The following EGFLAM variants were observed in gnomAD, a reference collection of about 807,000 sequenced individuals.
EGFLAM encodes the protein pikachurin.
Under a neutral mutation model 113.1 loss-of-function variants are expected in EGFLAM, and 79 were observed. The observed-to-expected ratio is 0.70, with a 90% CI of 0.58 to 0.84. The LOEUF is 0.84. EGFLAM is among the 40% of genes least tolerant of loss of function. The pLI is 0.00. For missense variants in EGFLAM, 1,265 were observed against 1,291.6 expected (o/e 0.98, Z 0.32); for synonymous variants, 504 against 487.6 (o/e 1.03, Z -0.44).
rs181551222 is a variant in EGFLAM at position 38,394,361 on chromosome 5, G to A, written c.713-11765G>A. Among the ~76,000 whole-genome samples, 13 of 151,808 alleles carry A rather than the reference G, an allele frequency of 8.6e-5. 1 individual carries two copies. The South Asian group carries it at 2.7e-3, about 32-fold the overall frequency. ...CTTCAGTCCAAATCAATTCCTTCTT[G>A]TGTTACGTGTTACTTTTTGGTATTT... On this transcript the variant is annotated intron_variant, in intron 6 of 21. Transcript: ENST00000322350.
chr5:38,368,140 A>G (rs1485311391), intron 5 of EGFLAM, among the ~76,000 whole-genome samples: 1 of 152,226 alleles, frequency 6.6e-6, no homozygotes. Context: ...TTAGCAAACG[A>G]TAGCAGAGAG....
At chr5:38,451,227 T>C in intron 18 of EGFLAM, 88 bp from the exon 19 acceptor site, 1 of 1,543,046 alleles carries the variant, frequency 6.5e-7, no homozygotes, top group Non-Finnish European at 8.8e-7. Flanking sequence ...TTACATCTGG[T>C]TCCTCAGGGC....
At chr5:38,434,502 G>A (rs1323374434) in intron 15 of EGFLAM, among the ~76,000 whole-genome samples, 1 of 152,202 alleles carries the variant, frequency 6.6e-6, no homozygotes, top group Non-Finnish European at 1.5e-5. Context: ...GATCAAAGCT[G>A]CTACTATTTG....
At chr5:38,417,347 C>CAAAAAAAAAACAAA (rs1741678083) in intron 11 of EGFLAM, among the ~76,000 whole-genome samples, 4 of 78,474 alleles carry the variant, frequency 5.1e-5, no homozygotes, top group Admixed American at 1.9e-4. Flanking sequence ...GACTCTGTCT[C>CAAAAAAAAAACAAA]AAAAAAAAAA....
intron 1 of EGFLAM, among the ~76,000 whole-genome samples, chr5:38,292,455 T>C (rs1397910451): frequency 1.3e-5 from 2 of 152,210 alleles, no homozygotes. Flanking sequence ...CTCTTGCAAG[T>C]ACAGGTAACC....
intron 1 of EGFLAM, 46 bp downstream of exon 1, chr5:38,258,897 G>T: frequency 6.3e-7 from 1 of 1,575,834 alleles, no homozygotes; most frequent in Non-Finnish European, 8.6e-7. Context: ...GAGCGCCCCT[G>T]CTGGGCTCCG....
chr5:38,329,630 TC>T (rs776534332), intron 1 of EGFLAM, among the ~76,000 whole-genome samples: 5 of 152,046 alleles, frequency 3.3e-5, no homozygotes, highest in Non-Finnish European at 5.9e-5. Flanking sequence ...AGCCATGGAG[TC>T]CCAGTAGTTG....
chr5:38,279,032 A>C (rs1273797100), intron 1 of EGFLAM, among the ~76,000 whole-genome samples: 1 of 152,200 alleles, frequency 6.6e-6, no homozygotes, highest in Non-Finnish European at 1.5e-5. Context: ...AAAACAAATA[A>C]CACAATTAAA....
chr5:38,421,012 G>C (rs963887448), intron 12 of EGFLAM, among the ~76,000 whole-genome samples: 1 of 152,132 alleles, frequency 6.6e-6, no homozygotes, highest in Non-Finnish European at 1.5e-5. Context: ...TCCTTCCTCA[G>C]CTTCCATGTT....
intron 1 of EGFLAM, among the ~76,000 whole-genome samples, chr5:38,305,968 A>G (rs1449129950): frequency 2.0e-5 from 3 of 152,196 alleles, no homozygotes; most frequent in African/African-American, 7.2e-5. Flanking sequence ...TGGGCTCCCT[A>G]AATTCAGTGG....
intron 18 of EGFLAM, 33 bp downstream of exon 18, chr5:38,448,412 T>C (rs757418959): frequency 4.8e-5 from 77 of 1,603,102 alleles, no homozygotes; most frequent in African/African-American, 1.3e-5. Context: ...TTCCTCAGCT[T>C]TCTGGGGGTA....
intron 1 of EGFLAM, among the ~76,000 whole-genome samples, chr5:38,311,555 A>G (rs1038354086): frequency 6.6e-6 from 1 of 152,172 alleles, no homozygotes; most frequent in Non-Finnish European, 1.5e-5. Flanking sequence ...ATAGTATCCC[A>G]TTGTGTGTGT....
intron 12 of EGFLAM, among the ~76,000 whole-genome samples, chr5:38,421,367 C>G (rs2112173258): frequency 6.6e-6 from 1 of 152,344 alleles, no homozygotes; most frequent in East Asian, 1.9e-4. Context: ...TATATTTCCA[C>G]CACTCATTTA....
chr5:38,323,388 T>C (rs534064038), intron 1 of EGFLAM, among the ~76,000 whole-genome samples: 73 of 152,314 alleles, frequency 4.8e-4, no homozygotes, highest in African/African-American at 1.7e-3. Flanking sequence ...AGCTCAAGCA[T>C]ACTCTCCCTC....
At chr5:38,297,561 T>C (rs760427433) in intron 1 of EGFLAM, among the ~76,000 whole-genome samples, 4 of 152,204 alleles carry the variant, frequency 2.6e-5, no homozygotes, top group Non-Finnish European at 5.9e-5. Flanking sequence ...GATTTTGGAA[T>C]TTTTCTAAAG....
At chr5:38,372,525 T>C (rs569491905) in intron 6 of EGFLAM, among the ~76,000 whole-genome samples, 1 of 152,324 alleles carries the variant, frequency 6.6e-6, no homozygotes, top group South Asian at 2.1e-4. Flanking sequence ...AATTTCCCCA[T>C]TGCTGGATCC....
intron 5 of EGFLAM, among the ~76,000 whole-genome samples, chr5:38,368,947 T>C (rs946851303): frequency 7.9e-5 from 12 of 152,214 alleles, no homozygotes; most frequent in Non-Finnish European, 1.6e-4. Context: ...ATTAGAATGG[T>C]GCTTGGTAGA....
chr5:38,267,609 A>G (rs942463601), intron 1 of EGFLAM, among the ~76,000 whole-genome samples: 4 of 152,158 alleles, frequency 2.6e-5, no homozygotes, highest in African/African-American at 9.7e-5. Context: ...AATTACTTTA[A>G]TCTCTACCCT....
chr5:38,451,327 A>G lies in EGFLAM; in HGVS notation c.2556A>G (p.Ser852=). ...GTATTTCCTCCAGGGTGTCAGGATCAAGATCAAATGTGTTCATGAGGTTTA... is the reference window on the plus strand; with the variant it reads ...GTATTTCCTCCAGGGTGTCAGGATCGAGATCAAATGTGTTCATGAGGTTTA... ...NPDILKRVSG[S]RSNVFMRFKT... Residue 852 remains serine, a synonymous_variant, in exon 19 of 22, where the codon TCA becomes TCG. Coordinates refer to ENST00000322350, the MANE Select transcript of EGFLAM (RefSeq NM_152403.4). 6.2e-7 allele frequency: 1 copy of G among 1,613,668 alleles called. No homozygotes were observed. Among genetic ancestry groups the G allele is most frequent in the Non-Finnish European group, 8.5e-7 (1 of 1,179,642 alleles).
Sources: gnomAD v4.1 joint callset for allele counts (sites outside exome capture counted in the v4.1 genomes callset) on GRCh38, gnomAD v4.1.1 for gene constraint, MANE v1.5 for transcripts, NCBI Gene and HGNC (gene_info 2026-07-23, HGNC 2026-07-21) for gene names.